Variants in CCBE1 observed in about 807,000 individuals in gnomAD.
CCBE1 encodes collagen and calcium binding EGF domains 1.
A neutral mutation model predicts 50.0 loss-of-function variants in CCBE1; 37 were observed. The observed-to-expected ratio is 0.74, with a 90% CI of 0.57 to 0.97. The LOEUF (loss-of-function observed/expected upper bound fraction) is 0.97. Ranked by LOEUF, CCBE1 falls within the 50% of genes least tolerant of loss-of-function variation. The pLI is 0.00. For synonymous variants in CCBE1, 234 were observed against 203.7 expected (o/e 1.15, Z -1.27); for missense variants, 538 against 523.8 (o/e 1.03, Z -0.26).
At chr18:59,689,650 C>T (rs1179493509) in intron 2 of CCBE1, among the ~76,000 whole-genome samples, 14 of 152,154 alleles carry the variant, frequency 9.2e-5, no homozygotes, top group Non-Finnish European at 2.1e-4. Flanking sequence ...AGGGGCATGC[C>T]TTCTTTAAAA....
rs576137278 is a variant in CCBE1 at position 59,433,170 on chromosome 18, A to T, written c.*2738T>A. 1.3e-5 allele frequency: 2 copies of T among 152,012 alleles called. No individual in the cohort carries two copies. Among genetic ancestry groups the T allele is most frequent in the Non-Finnish European group, 2.9e-5 (2 of 67,978 alleles). The allele number at this position is 152,012 out of a possible 1,614,324, so 9.4% of individuals were successfully genotyped here. On this transcript the variant is annotated 3_prime_UTR_variant, in exon 11 of 11. Transcript: ENST00000439986. ...AAAGAGCACCCCACCCTAAAAAGAA[A>T]TTTTTTCTTTTTAAAAAGTCTCCTT...
intron 2 of CCBE1, among the ~76,000 whole-genome samples, chr18:59,486,713 G>A (rs1429041209): frequency 1.3e-5 from 2 of 152,180 alleles, no homozygotes; most frequent in East Asian, 3.9e-4. Context: ...TGGAGACCAG[G>A]GTGCAGCAAG....
chr18:59,479,381 A>G (rs950355863), intron 3 of CCBE1, among the ~76,000 whole-genome samples: 20 of 152,076 alleles, frequency 1.3e-4, no homozygotes, highest in African/African-American at 4.1e-4. Flanking sequence ...GCCTCTGTGT[A>G]TATGTCCCCT....
At chr18:59,551,951 C>T (rs1348856461) in intron 2 of CCBE1, among the ~76,000 whole-genome samples, 3 of 152,230 alleles carry the variant, frequency 2.0e-5, no homozygotes, top group African/African-American at 7.2e-5. Context: ...ATTATTTGCT[C>T]ATTGCACTCC....
chr18:59,691,889 G>A (rs1041755596), intron 2 of CCBE1, among the ~76,000 whole-genome samples: 1 of 152,140 alleles, frequency 6.6e-6, no homozygotes, highest in Admixed American at 6.5e-5. Flanking sequence ...TCTTCCTTCT[G>A]CCAGTAAGAC....
intron 7 of CCBE1, among the ~76,000 whole-genome samples, chr18:59,446,070 A>G (rs1304296241): frequency 6.6e-6 from 1 of 152,226 alleles, no homozygotes; most frequent in Non-Finnish European, 1.5e-5. Flanking sequence ...GGGTACCACA[A>G]ACACTAGAAG....
Position 59,433,684 on chromosome 18 carries a change from A to G in CCBE1, c.*2224T>C, listed in dbSNP as rs1398613402. 2 of 150,024 alleles carry G rather than the reference A, an allele frequency of 1.3e-5. No homozygotes were observed. The highest frequency in any genetic ancestry group is 2.5e-5 in the African/African-American group (1 of 40,540). 9.3% of individuals were successfully genotyped at this position (150,024 alleles called of 1,614,324 possible). A position where few individuals can be genotyped will look rare whatever the true frequency, so the allele number is the denominator to read the frequency against. ...CAGTGGCACGATCTCGGCTCAGCGC[A>G]AGCTCCGCCTCCCAGGTTCACGCCA... On this transcript the variant is annotated 3_prime_UTR_variant, in exon 11 of 11. Transcript: ENST00000439986.
chr18:59,696,128 A>G lies in CCBE1; in HGVS notation c.212+501T>C, dbSNP rs555583819. Among the ~76,000 whole-genome samples, 15 of 152,202 alleles carry G rather than the reference A, an allele frequency of 9.9e-5. No individual in the cohort carries two copies. The South Asian group carries it at 3.1e-3, about 32-fold the overall frequency. On this transcript the variant is annotated intron_variant, in intron 2 of 10. Coordinates refer to ENST00000439986, the MANE Select transcript of CCBE1 (RefSeq NM_133459.4). ...TAGAAAGACTTTTTTCCTCTGCCCCAACAATCTTTTTGTTTTCACTCAACA... is the reference window on the plus strand; with the variant it reads ...TAGAAAGACTTTTTTCCTCTGCCCCGACAATCTTTTTGTTTTCACTCAACA...
In CCBE1 at chr18:59,532,715, T is replaced by C. The variant is rs1915099056; in HGVS notation, c.213-52477A>G. 2.6e-5 allele frequency among the ~76,000 whole-genome samples: 4 copies of C among 152,334 alleles called. No homozygotes were observed. The South Asian group carries it at 6.2e-4, about 24-fold the overall frequency. On this transcript the variant is annotated intron_variant, in intron 2 of 10. Coordinates refer to ENST00000439986, the MANE Select transcript of CCBE1 (RefSeq NM_133459.4). ...TAATTATAATGATGACAATCTCCCTTCCATGCCTGCTATCTGATTCCAAAG... is the reference window on the plus strand; with the variant it reads ...TAATTATAATGATGACAATCTCCCTCCCATGCCTGCTATCTGATTCCAAAG...
intron 2 of CCBE1, among the ~76,000 whole-genome samples, chr18:59,492,603 C>T (rs992726413): frequency 7.2e-5 from 11 of 152,146 alleles, no homozygotes; most frequent in African/African-American, 2.4e-4. Context: ...GACAATGTGA[C>T]GTCAATGCCC....
At chr18:59,688,028 T>C (rs1193796023) in intron 2 of CCBE1, among the ~76,000 whole-genome samples, 1 of 152,230 alleles carries the variant, frequency 6.6e-6, no homozygotes, top group Admixed American at 6.5e-5. Context: ...TTATAATATA[T>C]TTTTAGCCAT....
chr18:59,444,059 T>C, intron 7 of CCBE1, among the ~76,000 whole-genome samples: 1 of 152,142 alleles, frequency 6.6e-6, no homozygotes, highest in Non-Finnish European at 1.5e-5. Flanking sequence ...TATTGTTCCG[T>C]GTCAAAATTT....
chr18:59,605,865 G>T (rs1438089449), intron 2 of CCBE1, among the ~76,000 whole-genome samples: 1 of 152,156 alleles, frequency 6.6e-6, no homozygotes, highest in Non-Finnish European at 1.5e-5. Flanking sequence ...CCTCCCTCTA[G>T]CAGTTTTTGG....
chr18:59,485,998 T>C (rs1912808052), intron 2 of CCBE1, among the ~76,000 whole-genome samples: 1 of 151,984 alleles, frequency 6.6e-6, no homozygotes, highest in South Asian at 2.1e-4. Flanking sequence ...AGCATTGGCT[T>C]TGGGGTCAAC....
intron 2 of CCBE1, among the ~76,000 whole-genome samples, chr18:59,545,781 T>A (rs144752253): frequency 6.6e-6 from 1 of 152,320 alleles, no homozygotes; most frequent in Non-Finnish European, 1.5e-5. Flanking sequence ...GACGGTTTTA[T>A]CAGGGGGTTC....
chr18:59,495,410 T>TTA (rs149062893), intron 2 of CCBE1, among the ~76,000 whole-genome samples: 2 of 144,952 alleles, frequency 1.4e-5, no homozygotes, highest in African/African-American at 5.1e-5. Flanking sequence ...TTTTTTTTTT[T>TTA]CCAGAGCGGG....
At chr18:59,562,965 A>G (rs912868473) in intron 2 of CCBE1, among the ~76,000 whole-genome samples, 4 of 152,248 alleles carry the variant, frequency 2.6e-5, no homozygotes, top group East Asian at 1.9e-4. Flanking sequence ...ACTCTTCCAT[A>G]TAAGTCACGG....
chr18:59,696,397 C>T, intron 2 of CCBE1: 1 of 1,131,810 alleles, frequency 8.8e-7, no homozygotes, highest in South Asian at 1.6e-5. Flanking sequence ...CGGCAACCAT[C>T]CTCAGGATCT....
chr18:59,625,214 A>T (rs932065896), intron 2 of CCBE1, among the ~76,000 whole-genome samples: 1 of 152,072 alleles, frequency 6.6e-6, no homozygotes, highest in Non-Finnish European at 1.5e-5. Flanking sequence ...GGTGGATCAC[A>T]AGGTCAGGAG....
Sources: allele counts gnomAD v4.1 joint callset (sites outside exome capture counted in the v4.1 genomes callset), GRCh38; gene constraint gnomAD v4.1.1; transcripts MANE v1.5; gene names NCBI Gene and HGNC (gene_info 2026-07-23, HGNC 2026-07-21).